The following SREBF2 variants were observed in gnomAD, a reference collection of about 807,000 sequenced individuals.
SREBF2 encodes the protein sterol regulatory element-binding protein 2.
A neutral mutation model predicts 113.1 loss-of-function variants in SREBF2; 55 were observed. That is an observed-to-expected ratio of 0.49 (90% CI 0.39 to 0.61). The LOEUF (loss-of-function observed/expected upper bound fraction) is 0.61, where lower values mean the gene tolerates loss of function less well. Ranked by LOEUF, SREBF2 falls within the 20% of genes least tolerant of loss-of-function variation. The pLI is 0.00. For missense variants in SREBF2, 1,349 were observed against 1,487.4 expected (o/e 0.91, Z 1.53); for synonymous variants, 593 against 605.7 (o/e 0.98, Z 0.31).
At chr22:41,866,198 T>G (rs1384899776) in intron 1 of SREBF2, among the ~76,000 whole-genome samples, 1 of 152,160 alleles carries the variant, frequency 6.6e-6, no homozygotes, top group Non-Finnish European at 1.5e-5. Flanking sequence ...CTTGGTACCT[T>G]CGACAGAACA....
intron 1 of SREBF2, among the ~76,000 whole-genome samples, chr22:41,847,837 T>C (rs7288838): frequency 0.42 from 63,262 of 151,910 alleles, 13,491 homozygotes; most frequent in Non-Finnish European, 0.45. Flanking sequence ...TTTTAAAAAT[T>C]ATTACTACTA....
intron 1 of SREBF2, among the ~76,000 whole-genome samples, chr22:41,850,563 G>C (rs886609808): frequency 2.0e-5 from 3 of 152,108 alleles, no homozygotes; most frequent in African/African-American, 4.8e-5. Context: ...GTTGTGATGA[G>C]CATAAATGTA....
intron 1 of SREBF2, among the ~76,000 whole-genome samples, chr22:41,865,564 G>T (rs2077067344): frequency 6.6e-6 from 1 of 152,186 alleles, no homozygotes; most frequent in Non-Finnish European, 1.5e-5. Flanking sequence ...GGCCCTGGAA[G>T]TAGGCTTGAG....
chr22:41,839,073 G>C (rs1398132755), intron 1 of SREBF2, among the ~76,000 whole-genome samples: 2 of 152,138 alleles, frequency 1.3e-5, no homozygotes, highest in Non-Finnish European at 2.9e-5. Context: ...AACTGGGTGA[G>C]CAAGGAGTGA....
intron 5 of SREBF2, among the ~76,000 whole-genome samples, 185 bp from the exon 6 acceptor site, chr22:41,875,152 A>C (rs1296303773): frequency 2.0e-5 from 3 of 152,180 alleles, no homozygotes; most frequent in Non-Finnish European, 4.4e-5. Flanking sequence ...TGAGGAGGAA[A>C]GTGAGGTTCT....
chr22:41,868,260 C>G (rs543234022), intron 2 of SREBF2, among the ~76,000 whole-genome samples: 1 of 152,300 alleles, frequency 6.6e-6, no homozygotes, highest in East Asian at 1.9e-4. Flanking sequence ...TCCCAAAGTG[C>G]ACTTGCCGTC....
At chr22:41,871,072 C>G (rs141120331) in intron 4 of SREBF2, 37 bp downstream of exon 4, 5 of 1,613,004 alleles carry the variant, frequency 3.1e-6, no homozygotes, top group Admixed American at 1.7e-5. Flanking sequence ...CCTCCCTCCC[C>G]CTTTATTCCT....
At chr22:41,898,826 A>C in intron 15 of SREBF2, 45 bp downstream of exon 15, 1 of 1,609,312 alleles carries the variant, frequency 6.2e-7, no homozygotes, top group Non-Finnish European at 8.5e-7. Context: ...CTCCAGGGGA[A>C]TCTTGTTTGA....
At chr22:41,899,333 T>A (rs1031659965) in intron 15 of SREBF2, 1 of 1,020,272 alleles carries the variant, frequency 9.8e-7, no homozygotes, top group African/African-American at 1.7e-5. Flanking sequence ...ACATTCCTCT[T>A]TGGAGATTCA....
At chr22:41,841,169 G>A (rs564092468) in intron 1 of SREBF2, among the ~76,000 whole-genome samples, 97 of 152,326 alleles carry the variant, frequency 6.4e-4, no homozygotes, top group African/African-American at 2.3e-3. Flanking sequence ...CCTAGGAGGT[G>A]GAGGTGGGAG....
chr22:41,885,228 T>C (rs570729309), intron 11 of SREBF2, among the ~76,000 whole-genome samples: 11 of 152,306 alleles, frequency 7.2e-5, no homozygotes, highest in Non-Finnish European at 1.3e-4. Flanking sequence ...ACCATAAGCC[T>C]TGTAGGCAGG....
At chr22:41,890,783 C>G (rs905314172) in intron 11 of SREBF2, among the ~76,000 whole-genome samples, 1 of 151,646 alleles carries the variant, frequency 6.6e-6, no homozygotes, top group Admixed American at 6.6e-5. Context: ...TGGCGGGTGC[C>G]TATAATCCCA....
At chr22:41,875,017 C>A (rs2077181784) in intron 5 of SREBF2, among the ~76,000 whole-genome samples, 1 of 152,096 alleles carries the variant, frequency 6.6e-6, no homozygotes, top group East Asian at 1.9e-4. Flanking sequence ...GAAGTGGGAA[C>A]AATAGCTAAT....
chr22:41,887,575 C>T (rs1393912432), intron 11 of SREBF2, among the ~76,000 whole-genome samples: 1 of 152,078 alleles, frequency 6.6e-6, no homozygotes, highest in Non-Finnish European at 1.5e-5. Flanking sequence ...ATAGATTGTT[C>T]GTTCTCATAT....
chr22:41,878,251 T>TC, intron 9 of SREBF2, 128 bp downstream of exon 9: 1 of 1,275,694 alleles, frequency 7.8e-7, no homozygotes, highest in Non-Finnish European at 1.1e-6. Flanking sequence ...TGCTGAATAG[T>TC]CACAGGGCAG....
At position 41,900,333 on chromosome 22, in the gene SREBF2, C is replaced by T. The variant is rs774978975; in HGVS notation, c.2742C>T (p.Ser914=). 9 of 1,612,708 alleles carry T rather than the reference C, an allele frequency of 5.6e-6. No individual in the cohort carries two copies. Among genetic ancestry groups the T allele is most frequent in the South Asian group, 1.1e-5 (1 of 91,084 alleles). Residue 914 remains serine, a synonymous_variant, in exon 16 of 19, where the codon AGC becomes AGT. Coordinates refer to ENST00000361204, the MANE Select transcript of SREBF2 (RefSeq NM_004599.4). ...RIPKALEVTE[S]PLVKAIFHAC... ...CGACTCCCTGTCACTGCTGCAGGAGCCCCCTGGTGAAGGCCATCTTCCATG... is the reference window on the plus strand; with the variant it reads ...CGACTCCCTGTCACTGCTGCAGGAGTCCCCTGGTGAAGGCCATCTTCCATG...
At chr22:41,857,598 C>T (rs940033352) in intron 1 of SREBF2, among the ~76,000 whole-genome samples, 3 of 152,164 alleles carry the variant, frequency 2.0e-5, no homozygotes, top group Non-Finnish European at 4.4e-5. Context: ...CCTCTCCACC[C>T]AATTTTTCTT....
rs556491825 is a variant in SREBF2 at position 41,887,952 on chromosome 22, C to T, written c.2208+2941C>T. Among the ~76,000 whole-genome samples, 8 of 152,264 alleles carry T rather than the reference C, an allele frequency of 5.3e-5. No homozygotes were observed. In the South Asian group the frequency reaches 8.3e-4, roughly 16 times the overall value. ...TATTGGCAATTTGGATAGTCTGTTT[C>T]GTTACATTCAATTCAAGTCTTACCT... is the stretch of plus-strand genomic sequence containing the variant. On this transcript the variant is annotated intron_variant, in intron 11 of 18. Coordinates refer to ENST00000361204, the MANE Select transcript of SREBF2 (RefSeq NM_004599.4).
intron 7 of SREBF2, 95 bp from the exon 8 acceptor site, chr22:41,877,134 C>A: frequency 7.8e-7 from 1 of 1,286,864 alleles, no homozygotes; most frequent in Non-Finnish European, 1.1e-6. Flanking sequence ...TGAATTTAAA[C>A]CTCATAACCA....
Sources: gnomAD v4.1 joint callset for allele counts (sites outside exome capture counted in the v4.1 genomes callset) on GRCh38, gnomAD v4.1.1 for gene constraint, MANE v1.5 for transcripts, NCBI Gene and HGNC (gene_info 2026-07-23, HGNC 2026-07-21) for gene names.